The following GRB10 variants were observed in gnomAD, a reference collection of about 807,000 sequenced individuals.
GRB10 encodes growth factor receptor bound protein 10.
In GRB10, 20 loss-of-function variants were observed where a neutral mutation model predicts 80.9. That is an observed-to-expected ratio of 0.25 (90% CI 0.17 to 0.36). The LOEUF is 0.36. Among genes scored for constraint, GRB10 ranks in the 10% least tolerant of loss-of-function variants. GRB10 has a pLI of 1.00. For synonymous variants in GRB10, 291 were observed against 291.5 expected (o/e 1.00, Z 0.02); for missense variants, 548 against 747.7 (o/e 0.73, Z 3.12).
At chr7:50,730,221 C>T (rs1161756860) in intron 4 of GRB10, among the ~76,000 whole-genome samples, 1 of 152,160 alleles carries the variant, frequency 6.6e-6, no homozygotes, top group Admixed American at 6.6e-5. Context: ...CCTCCAACAG[C>T]AGGATGATTA....
At chr7:50,607,780 T>A (rs576256118) in intron 13 of GRB10, among the ~76,000 whole-genome samples, 13 of 152,286 alleles carry the variant, frequency 8.5e-5, no homozygotes. Flanking sequence ...CACTTTCTGA[T>A]CCTGGCAATG....
intron 7 of GRB10, among the ~76,000 whole-genome samples, chr7:50,629,204 C>G (rs2153594688): frequency 6.6e-6 from 1 of 152,314 alleles, no homozygotes. Flanking sequence ...TCTCATCTCT[C>G]TCCAAGTCTC....
At chr7:50,661,193 C>A (rs2059235322) in intron 7 of GRB10, among the ~76,000 whole-genome samples, 2 of 152,220 alleles carry the variant, frequency 1.3e-5, no homozygotes, top group South Asian at 4.1e-4. Context: ...TTTTTCTCAG[C>A]AAAGATGGTC....
intron 12 of GRB10, among the ~76,000 whole-genome samples, chr7:50,614,293 T>C (rs1262150710): frequency 6.6e-6 from 1 of 152,218 alleles, no homozygotes; most frequent in African/African-American, 2.4e-5. Context: ...TGCACACGTG[T>C]GTGTGCATGC....
intron 2 of GRB10, among the ~76,000 whole-genome samples, chr7:50,772,246 T>G (rs548797450): frequency 1.6e-4 from 24 of 152,284 alleles, no homozygotes; most frequent in Non-Finnish European, 2.8e-4. Flanking sequence ...AAATGGCCAC[T>G]AGGTCTGGAA....
intron 12 of GRB10, among the ~76,000 whole-genome samples, chr7:50,613,095 G>C (rs1202172639): frequency 1.3e-5 from 2 of 152,186 alleles, no homozygotes; most frequent in African/African-American, 4.8e-5. Flanking sequence ...CATCCTTTGG[G>C]AACTTCAGAG....
intron 10 of GRB10, among the ~76,000 whole-genome samples, chr7:50,617,713 C>G (rs2050902911): frequency 1.3e-5 from 2 of 152,122 alleles, no homozygotes; most frequent in South Asian, 4.1e-4. Flanking sequence ...GTGGCCTGAC[C>G]TGGGACCCCT....
chr7:50,681,725 T>C (rs1289611936), intron 5 of GRB10, among the ~76,000 whole-genome samples: 4 of 152,232 alleles, frequency 2.6e-5, no homozygotes, highest in African/African-American at 7.2e-5. Flanking sequence ...TCCTTCAAAA[T>C]GCAAAAGTAA....
At chr7:50,737,706 G>A (rs988724778) in intron 3 of GRB10, among the ~76,000 whole-genome samples, 19 of 152,248 alleles carry the variant, frequency 1.2e-4, no homozygotes, top group Non-Finnish European at 2.1e-4. Flanking sequence ...AAAATTAGCC[G>A]GGCATGGTGG....
rs945985731 is a variant in GRB10 at position 50,661,134 on chromosome 7, C to T, written c.504+8588G>A. 2.6e-5 allele frequency among the ~76,000 whole-genome samples: 4 copies of T among 152,364 alleles called. No individual in the cohort carries two copies. In the East Asian group the frequency reaches 7.7e-4, roughly 29 times the overall value. On this transcript the variant is annotated intron_variant, in intron 7 of 18. Transcript: ENST00000401949. ...ACATTTGCAGGAGAGAGCATTCTCTCCGTGCAATACATTCTGTGAAACAAC... is the reference window on the plus strand; with the variant it reads ...ACATTTGCAGGAGAGAGCATTCTCTTCGTGCAATACATTCTGTGAAACAAC...
intron 7 of GRB10, among the ~76,000 whole-genome samples, chr7:50,646,985 C>G (rs376150659): frequency 3.3e-5 from 5 of 152,160 alleles, no homozygotes; most frequent in Non-Finnish European, 5.9e-5. Flanking sequence ...GTCGGCAACC[C>G]CAAGCATCCA....
intron 7 of GRB10, among the ~76,000 whole-genome samples, chr7:50,648,137 G>C (rs568554672): frequency 6.6e-6 from 1 of 152,210 alleles, no homozygotes; most frequent in East Asian, 1.9e-4. Context: ...GTCCAGGGAG[G>C]GAGCGCAGAG....
intron 4 of GRB10, among the ~76,000 whole-genome samples, chr7:50,721,963 G>A (rs2067826341): frequency 6.6e-6 from 1 of 152,248 alleles, no homozygotes; most frequent in Non-Finnish European, 1.5e-5. Context: ...GGAGCGGGGA[G>A]AAGGGAGCAG....
chr7:50,771,126 A>C (rs925239801), intron 2 of GRB10, among the ~76,000 whole-genome samples: 6 of 152,206 alleles, frequency 3.9e-5, no homozygotes, highest in African/African-American at 1.4e-4. Context: ...TTTATGGAGT[A>C]AGAGTCCATG....
chr7:50,767,786 C>T (rs933819270), intron 2 of GRB10, among the ~76,000 whole-genome samples: 66 of 152,186 alleles, frequency 4.3e-4, no homozygotes, highest in African/African-American at 1.5e-3. Context: ...CTGACTGTGT[C>T]CTACACTGGG....
At chr7:50,705,049 C>T (rs528996373) in intron 4 of GRB10, 1 of 687,648 alleles carries the variant, frequency 1.5e-6, no homozygotes, top group African/African-American at 1.9e-5. Flanking sequence ...TGCCTGAATG[C>T]TTCCCAGCAA....
intron 13 of GRB10, among the ~76,000 whole-genome samples, chr7:50,610,458 A>G (rs2049313466): frequency 6.6e-6 from 1 of 152,184 alleles, no homozygotes; most frequent in Non-Finnish European, 1.5e-5. Flanking sequence ...TGACTCTAGA[A>G]TCCGTGTATC....
chr7:50,682,982 C>T (rs2061707571), intron 5 of GRB10, among the ~76,000 whole-genome samples: 1 of 151,864 alleles, frequency 6.6e-6, no homozygotes, highest in African/African-American at 2.4e-5. Context: ...AGGTATATAC[C>T]CCCCAAAATT....
intron 2 of GRB10, among the ~76,000 whole-genome samples, chr7:50,780,423 C>T (rs902165457): frequency 2.0e-5 from 3 of 152,174 alleles, no homozygotes; most frequent in African/African-American, 7.2e-5. Flanking sequence ...CTCATTCTGC[C>T]CTTGACCCTT....
Sources: allele counts gnomAD v4.1 joint callset (sites outside exome capture counted in the v4.1 genomes callset), GRCh38; gene constraint gnomAD v4.1.1; transcripts MANE v1.5; gene names NCBI Gene and HGNC (gene_info 2026-07-23, HGNC 2026-07-21).